Variants in GRM5 observed in about 807,000 individuals in gnomAD.
GRM5 encodes the protein glutamate metabotropic receptor 5.
In GRM5, 19 loss-of-function variants were observed where a neutral mutation model predicts 83.1. The ratio of observed to expected loss-of-function variants is 0.23; its 90% CI spans 0.16 to 0.34. The LOEUF (loss-of-function observed/expected upper bound fraction) is 0.34. GRM5 is among the 10% of genes least tolerant of loss of function. GRM5 has a pLI of 1.00. For synonymous variants in GRM5, 675 were observed against 633.6 expected (o/e 1.07, Z -0.98); for missense variants, 1,160 against 1,588.3 (o/e 0.73, Z 4.58).
At chr11:88,832,217 C>A (rs759340379) in intron 3 of GRM5, among the ~76,000 whole-genome samples, 1 of 152,140 alleles carries the variant, frequency 6.6e-6, no homozygotes, top group Admixed American at 6.5e-5. Flanking sequence ...TCTTACATAT[C>A]TAGAAGAATT....
intron 3 of GRM5, among the ~76,000 whole-genome samples, chr11:88,804,845 G>A (rs1296682036): frequency 6.6e-6 from 1 of 152,130 alleles, no homozygotes; most frequent in African/African-American, 2.4e-5. Flanking sequence ...CAGAGGATGA[G>A]GGATGAGAAA....
At chr11:88,607,433 A>C (rs1340759088) in intron 4 of GRM5, among the ~76,000 whole-genome samples, 1 of 152,162 alleles carries the variant, frequency 6.6e-6, no homozygotes, top group Non-Finnish European at 1.5e-5. Flanking sequence ...TCCTGTCTAG[A>C]TTACAGCAAT....
At chr11:88,635,656 T>A (rs1475050263) in intron 4 of GRM5, among the ~76,000 whole-genome samples, 1 of 152,248 alleles carries the variant, frequency 6.6e-6, no homozygotes, top group African/African-American at 2.4e-5. Flanking sequence ...CTGTTGATTG[T>A]TTCCTTTGCT....
intron 3 of GRM5, 62 bp from the exon 4 acceptor site, chr11:88,653,465 T>C (rs767864485): frequency 9.0e-7 from 1 of 1,113,530 alleles, no homozygotes; most frequent in Non-Finnish European, 1.3e-6. Context: ...ATGAGTCCAT[T>C]TGCTTTCCTT....
intron 1 of GRM5, among the ~76,000 whole-genome samples, chr11:89,050,289 A>T (rs1188414912): frequency 6.6e-6 from 1 of 152,240 alleles, no homozygotes; most frequent in Non-Finnish European, 1.5e-5. Flanking sequence ...TATCATTATT[A>T]TCTTTCATTG....
At chr11:88,630,744 A>T (rs1240041925) in intron 4 of GRM5, among the ~76,000 whole-genome samples, 1 of 151,854 alleles carries the variant, frequency 6.6e-6, no homozygotes, top group Non-Finnish European at 1.5e-5. Flanking sequence ...ATGACTGGCT[A>T]ATTTTGTATT....
At chr11:88,904,195 A>G (rs1321148848) in intron 2 of GRM5, among the ~76,000 whole-genome samples, 1 of 152,202 alleles carries the variant, frequency 6.6e-6, no homozygotes. Flanking sequence ...AGAGAAAATT[A>G]AGACAAAGGC....
At chr11:88,617,572 G>GT (rs1367590713) in intron 4 of GRM5, among the ~76,000 whole-genome samples, 3 of 152,154 alleles carry the variant, frequency 2.0e-5, no homozygotes, top group African/African-American at 7.2e-5. Context: ...TTCTATTTTT[G>GT]TTTTTCCTTT....
intron 2 of GRM5, among the ~76,000 whole-genome samples, chr11:89,000,058 A>C (rs1321618648): frequency 3.3e-5 from 5 of 152,042 alleles, no homozygotes; most frequent in Non-Finnish European, 7.4e-5. Context: ...TGGACACAGG[A>C]AGGGGAACAT....
chr11:88,702,624 G>A (rs1317709026), intron 3 of GRM5, among the ~76,000 whole-genome samples: 2 of 152,102 alleles, frequency 1.3e-5, no homozygotes, highest in South Asian at 2.1e-4. Flanking sequence ...TTGATAAGGT[G>A]TTATGGACTG....
intron 2 of GRM5, among the ~76,000 whole-genome samples, chr11:88,922,515 T>C (rs983014673): frequency 1.3e-5 from 2 of 152,166 alleles, no homozygotes; most frequent in African/African-American, 4.8e-5. Flanking sequence ...TTTGGAAAAC[T>C]GGGTATCCAT....
intron 8 of GRM5, among the ~76,000 whole-genome samples, chr11:88,543,971 A>C (rs1188489052): frequency 1.3e-5 from 2 of 152,120 alleles, no homozygotes; most frequent in African/African-American, 4.8e-5. Context: ...TGCCCTCACG[A>C]ATGGATTAAT....
In GRM5 at chr11:88,703,048, T is replaced by A. The variant is rs369133575; in HGVS notation, c.912-49645A>T. Among the ~76,000 whole-genome samples the A allele has an allele frequency of 4.6e-5, 7 of 151,746 alleles. No homozygotes were observed. In the East Asian group the frequency reaches 1.2e-3, roughly 25 times the overall value. On this transcript the variant is annotated intron_variant, in intron 3 of 9. Transcript: ENST00000305447. The stretch of plus-strand genomic sequence containing the variant: ...CTTTAAATTGGGGGATATAATATCT[T>A]GTTTGACTTAATTAGCAAATATTTT...
In GRM5 at chr11:88,748,375, C is replaced by A. The variant is rs1047562279; in HGVS notation, c.912-94972G>T. Among the ~76,000 whole-genome samples the A allele has an allele frequency of 2.0e-5, 3 of 152,112 alleles. No individual in the cohort carries two copies. In the South Asian group the frequency reaches 6.2e-4, roughly 31 times the overall value. The stretch of plus-strand genomic sequence containing the variant: ...TCTGCAGGCCCTACTTCCATGTCAC[C>A]TCACAAGTTAAGAACCACTGGCTTG... On this transcript the variant is annotated intron_variant, in intron 3 of 9. Coordinates refer to ENST00000305447, the MANE Select transcript of GRM5 (RefSeq NM_001143831.3).
chr11:88,824,742 A>G (rs1165941247), intron 3 of GRM5, among the ~76,000 whole-genome samples: 4 of 152,110 alleles, frequency 2.6e-5, no homozygotes, highest in African/African-American at 9.7e-5. Flanking sequence ...CTGGTTCCTA[A>G]CAGGCCACAG....
chr11:88,892,205 T>G (rs566818860), intron 2 of GRM5, among the ~76,000 whole-genome samples: 12 of 151,970 alleles, frequency 7.9e-5, no homozygotes, highest in African/African-American at 2.9e-4. Context: ...AACTGGTTAT[T>G]TTATCAAAGC....
intron 3 of GRM5, among the ~76,000 whole-genome samples, chr11:88,696,462 C>T (rs1940904860): frequency 6.6e-6 from 1 of 152,154 alleles, no homozygotes; most frequent in South Asian, 2.1e-4. Flanking sequence ...CCCAGCACTT[C>T]CCTGCCTCCC....
Position 88,922,433 on chromosome 11 carries a change from C to T in GRM5, c.662-72278G>A, listed in dbSNP as rs551959708. Reference sequence around the variant, plus strand: ...ACACAGAAATAAATCCATATATCAACAGTGAACTCATTTTTGACTAAAGAG... The same window carrying T: ...ACACAGAAATAAATCCATATATCAATAGTGAACTCATTTTTGACTAAAGAG... On this transcript the variant is annotated intron_variant, in intron 2 of 9. Transcript: ENST00000305447. 9.2e-5 allele frequency among the ~76,000 whole-genome samples: 14 copies of T among 152,234 alleles called. No individual in the cohort carries two copies. In the East Asian group the frequency reaches 2.7e-3, roughly 29 times the overall value.
In GRM5 at chr11:88,509,508, A is replaced by C; in HGVS notation, c.2727-4T>G. 1 of 1,607,732 alleles carries C rather than the reference A, an allele frequency of 6.2e-7. No individual in the cohort carries two copies. Among genetic ancestry groups the C allele is most frequent in the Non-Finnish European group, 8.5e-7 (1 of 1,177,162 alleles). Reference sequence around the variant, plus strand: ...CGTGACGGATTTTCCATTGGAACTGAGGAGAGAAGGGAGAGGAAAGGTGAC... The same window carrying C: ...CGTGACGGATTTTCCATTGGAACTGCGGAGAGAAGGGAGAGGAAAGGTGAC... On this transcript the variant is annotated splice_polypyrimidine_tract_variant and splice_region_variant and intron_variant, in intron 9 of 9. Coordinates refer to ENST00000305447, the MANE Select transcript of GRM5 (RefSeq NM_001143831.3).
Sources: allele counts gnomAD v4.1 joint callset (sites outside exome capture counted in the v4.1 genomes callset), GRCh38; gene constraint gnomAD v4.1.1; transcripts MANE v1.5; gene names NCBI Gene and HGNC (gene_info 2026-07-23, HGNC 2026-07-21).